The following TLE7 variants were observed in gnomAD, a reference collection of about 807,000 sequenced individuals.
TLE7 encodes transducin-like enhancer protein 7.
chr16:71,432,474 T>C (rs2042809615), intron 4 of TLE7, 149 bp from the exon 5 acceptor site: 2 of 397,684 alleles, frequency 5.0e-6, no homozygotes, highest in South Asian at 1.4e-4. Flanking sequence ...GTCACAGCTC[T>C]TGAAGAAATG....
At chr16:71,441,848 C>CCGGCGCCAGCACCTCCGCGGG (rs2042850227) in intron 1 of TLE7, 121 bp downstream of exon 1, 2 of 152,228 alleles carry the variant, frequency 1.3e-5, no homozygotes, top group South Asian at 4.1e-4. Flanking sequence ...GCCGGCGTCG[C>CCGGCGCCAGCACCTCCGCGGG]CGGCGCCAGC....
intron 1 of TLE7, among the ~76,000 whole-genome samples, chr16:71,437,506 G>T (rs999259428): frequency 6.6e-6 from 1 of 152,010 alleles, no homozygotes; most frequent in Non-Finnish European, 1.5e-5. Context: ...GATTCAGTAG[G>T]CATGGGTGGG....
At chr16:71,433,852 GGAGGCT>G (rs66955360) in intron 1 of TLE7, among the ~76,000 whole-genome samples, 14,186 of 152,162 alleles carry the variant, frequency 0.093, 909 homozygotes, top group Middle Eastern at 0.18. Flanking sequence ...CAGCTACTTG[GGAGGCT>G]GAGGCAGGAG....
chr16:71,436,826 ACTCT>A (rs1327756228), intron 1 of TLE7, among the ~76,000 whole-genome samples: 1 of 151,964 alleles, frequency 6.6e-6, no homozygotes, highest in Non-Finnish European at 1.5e-5. Flanking sequence ...ACTGAGGAAC[ACTCT>A]CTTTTTCGTG....
At chr16:71,440,790 C>T (rs755297770) in intron 1 of TLE7, among the ~76,000 whole-genome samples, 7 of 152,200 alleles carry the variant, frequency 4.6e-5, no homozygotes, top group Non-Finnish European at 8.8e-5. Context: ...CTGGGCAGAA[C>T]TGCGACTGTG....
chr16:71,439,933 G>A (rs7197127), intron 1 of TLE7, among the ~76,000 whole-genome samples: 74,220 of 152,076 alleles, frequency 0.49, 22,270 homozygotes, highest in African/African-American at 0.84. Context: ...ATTATTCACA[G>A]TAGCCAAAAA....
rs2042812351 is a variant in TLE7, at chr16:71,432,818, C to T, written c.334+52G>A. On this transcript the variant is annotated intron_variant, in intron 3 of 9. Coordinates refer to ENST00000561754, the MANE Select transcript of TLE7 (RefSeq NM_001367365.2). ...CACCAGGCCCCCGTTCCTAGTCCCCCATCTGGGGCCCAGCTTGGGCAACCA... is the reference window on the plus strand; with the variant it reads ...CACCAGGCCCCCGTTCCTAGTCCCCTATCTGGGGCCCAGCTTGGGCAACCA... 1.5e-5 allele frequency: 6 copies of T among 399,090 alleles called. No homozygotes were observed. In the Admixed American group the frequency reaches 2.6e-4, roughly 18 times the overall value. 24.7% of individuals were successfully genotyped at this position (399,090 alleles called of 1,614,324 possible).
intron 1 of TLE7, among the ~76,000 whole-genome samples, chr16:71,439,951 C>A (rs370824316): frequency 6.6e-6 from 1 of 152,218 alleles, no homozygotes; most frequent in Non-Finnish European, 1.5e-5. Flanking sequence ...AAAGAAACAA[C>A]CCAAGTGTCC....
chr16:71,441,786 C>T (rs1375734986), intron 1 of TLE7, among the ~76,000 whole-genome samples, 183 bp downstream of exon 1: 2 of 152,218 alleles, frequency 1.3e-5, no homozygotes, highest in Non-Finnish European at 2.9e-5. Context: ...GGCCCACGGC[C>T]GACGCATAGG....
chr16:71,441,154 G>A (rs553954346), intron 1 of TLE7, among the ~76,000 whole-genome samples: 1 of 152,322 alleles, frequency 6.6e-6, no homozygotes, highest in African/African-American at 2.4e-5. Flanking sequence ...GAGCCCGCCG[G>A]CAACTTTCCG....
chr16:71,431,551 A>C lies in TLE7; in HGVS notation c.863T>G (p.Val288Gly). The C allele has an allele frequency of 2.5e-6, 1 of 400,764 alleles. No individual in the cohort carries two copies. The highest frequency in any genetic ancestry group is 4.4e-5 in the Admixed American group (1 of 22,746). The allele number at this position is 400,764 out of a possible 1,614,324, so 24.8% of individuals were successfully genotyped here. ...CACACATCGGGACCCGTATACAGGA[A>C]CTTCGTGCTTCCTGGTGGGTGGGAA... ...QNQILIRKHE[V>G]PVYGSRCVDI... Residue 288 changes from valine to glycine, a missense_variant, in exon 7 of 10, where the codon GTT becomes GGT. Transcript: ENST00000561754. The surrounding 1 kb of genome is among the most constrained non-coding windows in gnomAD (Gnocchi z 4.5).
intron 8 of TLE7, 75 bp from the exon 9 acceptor site, chr16:71,430,816 C>A: frequency 2.5e-6 from 1 of 397,892 alleles, no homozygotes; most frequent in Non-Finnish European, 4.4e-6. Context: ...CCCAACCAGA[C>A]TAAGGGCAAG....
chr16:71,430,567 T>C, intron 9 of TLE7, 101 bp downstream of exon 9: 1 of 397,812 alleles, frequency 2.5e-6, no homozygotes. Flanking sequence ...CTGGCTGCCA[T>C]CTCAGAGGTG....
At chr16:71,438,784 G>A (rs1427286556) in intron 1 of TLE7, among the ~76,000 whole-genome samples, 1 of 152,112 alleles carries the variant, frequency 6.6e-6, no homozygotes, top group East Asian at 1.9e-4. Flanking sequence ...AAGGCAATTG[G>A]TGCTTTAGAA....
At chr16:71,433,908 A>G (rs2042816754) in intron 1 of TLE7, among the ~76,000 whole-genome samples, 1 of 152,248 alleles carries the variant, frequency 6.6e-6, no homozygotes, top group Non-Finnish European at 1.5e-5. Flanking sequence ...CACTGAGGTG[A>G]GATCGTGCCA....
intron 1 of TLE7, among the ~76,000 whole-genome samples, chr16:71,436,357 G>C (rs966176003): frequency 6.6e-6 from 1 of 152,140 alleles, no homozygotes; most frequent in East Asian, 1.9e-4. Context: ...ATCTCGGTCA[G>C]GTATCCTGGC....
At position 71,432,223 on chromosome 16, in the gene TLE7, T is replaced by G. The variant is rs2042807619; in HGVS notation, c.496A>C (p.Ile166Leu). Residue 166 changes from isoleucine (I) to leucine (L), a missense_variant, in exon 5 of 10, where the codon ATC (isoleucine) becomes CTC (leucine). Coordinates refer to ENST00000561754, the MANE Select transcript of TLE7 (RefSeq NM_001367365.2). Reference protein sequence around the residue: ...FHGKRVYAVAISGSTHHVYTC... With the variant: ...FHGKRVYAVALSGSTHHVYTC... ...TACACGTGGTGGGTTGAGCCGCTGA[T>G]GGCCACAGCGTAGACTCTCTTTCCA... 2.5e-6 allele frequency: 1 copy of G among 400,728 alleles called. No individual in the cohort carries two copies. Among genetic ancestry groups the G allele is most frequent in the South Asian group, 1.3e-4 (1 of 7,960 alleles). The allele number at this position is 400,728 out of a possible 1,614,324, so 24.8% of individuals were successfully genotyped here.
intron 1 of TLE7, among the ~76,000 whole-genome samples, chr16:71,437,397 GA>G (rs2042830529): frequency 6.7e-6 from 1 of 148,638 alleles, no homozygotes; most frequent in Non-Finnish European, 1.5e-5. Flanking sequence ...GAGAGAGAGA[GA>G]GAAGAGAAGA....
rs924666148 is a variant in TLE7 at position 71,431,990 on chromosome 16, G to C, written c.622C>G (p.Arg208Gly). The C allele has an allele frequency of 2.5e-6, 1 of 400,646 alleles. No homozygotes were observed. The highest frequency in any genetic ancestry group is 2.1e-5 in the African/African-American group (1 of 48,676). 24.8% of individuals were successfully genotyped at this position (400,646 alleles called of 1,614,324 possible). ...GGGAACAGCTTGCAGGTAACAACACGGTCCTGGGGATGCTGTAAGGAAGGG... is the reference window on the plus strand; with the variant it reads ...GGGAACAGCTTGCAGGTAACAACACCGTCCTGGGGATGCTGTAAGGAAGGG... ...AQLDLQHPQD[R>G]VVTCKLFPDE... The change falls in exon 6 of 10, where the codon CGT becomes GGT. Residue 208 changes from arginine (R) to glycine (G), a missense_variant. Coordinates refer to ENST00000561754, the MANE Select transcript of TLE7 (RefSeq NM_001367365.2). The surrounding 1 kb of genome is among the most constrained non-coding windows in gnomAD (Gnocchi z 4.5).
Sources: allele counts gnomAD v4.1 joint callset (sites outside exome capture counted in the v4.1 genomes callset), GRCh38; gene constraint gnomAD v4.1.1; non-coding constraint Gnocchi (gnomAD v3.1); transcripts MANE v1.5; gene names NCBI Gene and HGNC (gene_info 2026-07-23, HGNC 2026-07-21).